Variants in CTSA observed in about 807,000 individuals in gnomAD.
The protein encoded by CTSA is cathepsin A.
In CTSA, 42 loss-of-function variants were observed where a neutral mutation model predicts 66.7. The observed-to-expected ratio is 0.63, with a 90% CI of 0.49 to 0.81. The LOEUF is 0.81. CTSA is among the 40% of genes least tolerant of loss of function. The probability of loss-of-function intolerance (pLI) is 0.00; values close to 1 mark genes in which losing one functional copy is unlikely to be tolerated. For synonymous variants in CTSA, 225 were observed against 248.6 expected, an observed-to-expected ratio of 0.91 and a Z score of 0.89; for missense variants, 525 against 610.9, an observed-to-expected ratio of 0.86 and a Z score of 1.48.
chr20:45,892,432 G>A lies in CTSA; in HGVS notation c.392G>A (p.Gly131Glu). 1.2e-6 allele frequency: 2 copies of A among 1,614,176 alleles called. No individual in the cohort carries two copies. Among genetic ancestry groups the A allele is most frequent in the Non-Finnish European group, 1.7e-6 (2 of 1,180,050 alleles). Reference protein sequence around the residue: ...ANVLYLESPAGVGFSYSDDKF... With the variant: ...ANVLYLESPAEVGFSYSDDKF... ...GTGTTATACCTGGAGTCCCCAGCTG[G>A]GGTGGGCTTCTCCTACTCCGATGAC... The change falls in exon 5 of 15, where the codon GGG (glycine) becomes GAG (glutamate). Residue 131 changes from glycine (G) to glutamate (E), a missense_variant. Gly to Glu is a moderately conservative substitution (Grantham distance 98). Coordinates refer to ENST00000646241, the MANE Select transcript of CTSA (RefSeq NM_000308.4).
At position 45,898,554 on chromosome 20, in the gene CTSA, G is replaced by A. The variant is rs558815473; in HGVS notation, c.*104G>A. The A allele has an allele frequency of 2.1e-5, 23 of 1,099,742 alleles. No homozygotes were observed. Among genetic ancestry groups the A allele is most frequent in the South Asian group, 1.4e-4 (11 of 76,004 alleles). 68.1% of individuals were successfully genotyped at this position (1,099,742 alleles called of 1,614,324 possible). On this transcript the variant is annotated 3_prime_UTR_variant, in exon 15 of 15. Transcript: ENST00000646241. The surrounding 1 kb of genome is among the most constrained non-coding windows in gnomAD (Gnocchi z 4.6). ...GTGCCCCTGCAGGCCGGGTTCTGCC[G>A]CCAGGACTGCCCCCTTCCCAGAGCC...
intron 11 of CTSA, chr20:45,896,250 C>CCCA (rs1555833339): frequency 6.8e-6 from 1 of 147,294 alleles, no homozygotes; most frequent in African/African-American, 2.8e-5. Flanking sequence ...GGCCACCCCC[C>CCCA]CCCACAACCC....
chr20:45,893,340 T>G, intron 7 of CTSA, 29 bp downstream of exon 7: 171 of 1,526,204 alleles, frequency 1.1e-4, no homozygotes, highest in Non-Finnish European at 1.4e-4. Flanking sequence ...GGGCAATCTC[T>G]GGGGTGAGGC....
chr20:45,898,368 G>T lies in CTSA; in HGVS notation c.1361G>T (p.Gly454Val), dbSNP rs373421813. The T allele has an allele frequency of 6.2e-6, 10 of 1,613,666 alleles. No individual in the cohort carries two copies. Among genetic ancestry groups the T allele is most frequent in the South Asian group, 1.1e-5 (1 of 91,052 alleles). Residue 454 changes from glycine to valine, a missense_variant and splice_region_variant, in exon 15 of 15, where the codon GGC (glycine) becomes GTC (valine). By Grantham distance (109) the Gly-to-Val change is moderately radical. Transcript: ENST00000646241. The surrounding 1 kb of genome is among the most constrained non-coding windows in gnomAD (Gnocchi z 4.6). ...GAGCTCACGAACATTGCTCCTCAGG[G>T]CGCCGGCCACATGGTTCCCACCGAC... ...FSHIAFLTIK[G>V]AGHMVPTDKP...
rs742035 is a variant in CTSA, at chr20:45,891,940, C to G, written c.219C>G (p.Pro73=). ...GGTTTGTGGAGTCCCAGAAGGATCC[C>G]GAGAACAGCCCTGTGGTGCTTTGGC... The part of the protein sequence containing the change: ...HYWFVESQKD[P]ENSPVVLWLN... Residue 73 remains proline (P), a synonymous_variant, in exon 3 of 15, where the codon CCC becomes CCG. Transcript: ENST00000646241. This position sits in a 1 kb window ranked among gnomAD's most constrained non-coding sequence, Gnocchi z 4.6. The G allele has an allele frequency of 0.05, 80,671 of 1,613,968 alleles. 2,578 individuals carry two copies. Among genetic ancestry groups the G allele is most frequent in the South Asian group, 0.12 (11,250 of 91,076 alleles).
Position 45,891,509 on chromosome 20 carries a change from G to C in CTSA, c.1-60G>C. The C allele has an allele frequency of 1.3e-6, 2 of 1,557,026 alleles. No homozygotes were observed. The highest frequency in any genetic ancestry group is 1.7e-6 in the Non-Finnish European group (2 of 1,153,254). ...CGGAGGCGCCGCCAGCAACTCCCCG[G>C]GGGCTGCTGCACGGAAGCGCTGAGG... is the stretch of plus-strand genomic sequence containing the variant. On this transcript the variant is annotated intron_variant, in intron 1 of 14. Transcript: ENST00000646241. The surrounding 1 kb of genome is among the most constrained non-coding windows in gnomAD (Gnocchi z 4.6).
intron 8 of CTSA, chr20:45,894,372 C>A: frequency 1.6e-6 from 1 of 608,958 alleles, no homozygotes; most frequent in Non-Finnish European, 2.9e-6. Flanking sequence ...CAAGATTCCC[C>A]CTCAAATGAG....
intron 12 of CTSA, 73 bp from the exon 13 acceptor site, chr20:45,897,644 A>C: frequency 1.1e-6 from 1 of 887,010 alleles, no homozygotes; most frequent in African/African-American, 1.6e-5. Flanking sequence ...CCTGAGGGGT[A>C]GGCCTTGAAC....
chr20:45,892,428 GCTGGGGTGGGCTT>G lies in CTSA; in HGVS notation c.391_403del (p.Gly131ProfsTer40). On this transcript the variant is annotated frameshift_variant, in exon 5 of 15. Transcript: ENST00000646241. LOFTEE classifies it high-confidence loss of function. The stretch of plus-strand genomic sequence containing the variant: ...CAATGTGTTATACCTGGAGTCCCCA[GCTGGGGTGGGCTT>G]CTCCTACTCCGATGACAAGTTTTAT... The G allele has an allele frequency of 6.2e-7, 1 of 1,614,182 alleles. No homozygotes were observed. The highest frequency in any genetic ancestry group is 8.5e-7 in the Non-Finnish European group (1 of 1,180,030).
rs1041165015 is a variant in CTSA, at chr20:45,894,755, G to A, written c.869+14G>A. ...CAGCCATTTTAGGTAGGTGCTGCTG[G>A]GTGCCCCTGGAGCCAACCCCAGCCC... On this transcript the variant is annotated intron_variant, in intron 9 of 14. Coordinates refer to ENST00000646241, the MANE Select transcript of CTSA (RefSeq NM_000308.4). 13 of 1,613,638 alleles carry A rather than the reference G, an allele frequency of 8.1e-6. No individual in the cohort carries two copies. The highest frequency in any genetic ancestry group is 1.1e-5 in the Non-Finnish European group (13 of 1,179,904).
chr20:45,897,907 G>A (rs2083128071), intron 13 of CTSA, 98 bp from the exon 14 acceptor site: 1 of 1,536,570 alleles, frequency 6.5e-7, no homozygotes, highest in East Asian at 2.3e-5. Flanking sequence ...CTGGCCCACA[G>A]AGGGCAAGTG....
intron 11 of CTSA, among the ~76,000 whole-genome samples, chr20:45,895,846 A>G (rs1169358191): frequency 6.6e-6 from 1 of 152,108 alleles, no homozygotes; most frequent in African/African-American, 2.4e-5. Flanking sequence ...TGGCCTCCCA[A>G]AGTGCTGGGA....
At position 45,896,729 on chromosome 20, in the gene CTSA, G is replaced by C. The variant is rs56964214; in HGVS notation, c.1089-236G>C. On this transcript the variant is annotated intron_variant, in intron 11 of 14. Transcript: ENST00000646241. ...TAGGATTACAGGCGTGAGCCACCAC[G>C]CCCAGCATCCCTGTACCTTTCTAAA... The C allele has an allele frequency of 0.082, 44,111 of 540,674 alleles. 3,499 individuals carry two copies. Among genetic ancestry groups the C allele is most frequent in the East Asian group, 0.29 (8,711 of 30,000 alleles). 33.5% of individuals were successfully genotyped at this position (540,674 alleles called of 1,614,324 possible).
At position 45,891,507 on chromosome 20, in the gene CTSA, C is replaced by G; in HGVS notation, c.1-62C>G. 4 of 1,555,268 alleles carry G rather than the reference C, an allele frequency of 2.6e-6. No individual in the cohort carries two copies. The highest frequency in any genetic ancestry group is 3.5e-6 in the Non-Finnish European group (4 of 1,152,060). On this transcript the variant is annotated intron_variant, in intron 1 of 14. Coordinates refer to ENST00000646241, the MANE Select transcript of CTSA (RefSeq NM_000308.4). This position sits in a 1 kb window ranked among gnomAD's most constrained non-coding sequence, Gnocchi z 4.6. ...CGCGGAGGCGCCGCCAGCAACTCCC[C>G]GGGGGCTGCTGCACGGAAGCGCTGA...
chr20:45,897,580 TAGAAAACATGAAAATTCC>T, intron 12 of CTSA, 119 bp from the exon 13 acceptor site: 8 of 704,526 alleles, frequency 1.1e-5, no homozygotes, highest in Non-Finnish European at 2.1e-5. Flanking sequence ...AGTAAGTCGT[TAGAAAACATGAAAATTCC>T]CTGGTTCGTG....
intron 10 of CTSA, 35 bp downstream of exon 10, chr20:45,894,936 G>A (rs1568764872): frequency 1.2e-6 from 2 of 1,613,940 alleles, no homozygotes; most frequent in South Asian, 2.2e-5. Context: ...CTGGTGAGGT[G>A]GGGGCAGGGG....
At position 45,892,015 on chromosome 20, in the gene CTSA, T is replaced by C. The variant is rs1366366501; in HGVS notation, c.294T>C (p.His98=). ...CSSLDGLLTE[H]GPFLVQPDGV... ...CACTAGATGGGCTCCTCACAGAGCA[T>C]GGCCCCTTCCTGGTGAGTGGACAGC... Residue 98 remains histidine, a synonymous_variant, in exon 3 of 15, where the codon CAT becomes CAC. Transcript: ENST00000646241. 1.6e-5 allele frequency: 26 copies of C among 1,613,806 alleles called. No individual in the cohort carries two copies. Among genetic ancestry groups the C allele is most frequent in the Non-Finnish European group, 1.9e-5 (23 of 1,179,864 alleles).
At chr20:45,892,079 A>G in intron 3 of CTSA, 52 bp downstream of exon 3, 1 of 1,552,606 alleles carries the variant, frequency 6.4e-7, no homozygotes, top group Admixed American at 1.7e-5. Flanking sequence ...AGGCTGGGGA[A>G]AGCGAGAGAG....
intron 3 of CTSA, 86 bp downstream of exon 3, chr20:45,892,113 T>C: frequency 6.8e-7 from 1 of 1,481,002 alleles, no homozygotes; most frequent in Non-Finnish European, 9.4e-7. Context: ...TTCCAAAAAG[T>C]TTCCTTCCTT....
Sources: gnomAD v4.1 joint callset for allele counts (sites outside exome capture counted in the v4.1 genomes callset) on GRCh38, gnomAD v4.1.1 for gene constraint, Gnocchi (gnomAD v3.1) non-coding constraint, MANE v1.5 for transcripts, NCBI Gene and HGNC (gene_info 2026-07-23, HGNC 2026-07-21) for gene names.